COMMD10: variants seen among roughly 807,000 people sequenced by gnomAD.
COMMD10 encodes the protein COMM domain containing 10.
Under a neutral mutation model 28.9 loss-of-function variants are expected in COMMD10, and 33 were observed. The ratio of observed to expected loss-of-function variants is 1.14; its 90% CI spans 0.87 to 1.53. The LOEUF is 1.53. COMMD10 is among the 40% of genes most tolerant of loss of function. The pLI is 0.00. For missense variants in COMMD10, 310 were observed against 233.4 expected (o/e 1.33, Z -2.14); for synonymous variants, 110 against 81.7 (o/e 1.35, Z -1.87).
chr5:116,274,600 A>G (rs543768669), intron 5 of COMMD10, among the ~76,000 whole-genome samples: 2 of 151,938 alleles, frequency 1.3e-5, no homozygotes, highest in South Asian at 4.1e-4. Context: ...CACTGCACCA[A>G]AATACTTTTG....
At chr5:116,211,836 A>G (rs1416627088) in intron 5 of COMMD10, among the ~76,000 whole-genome samples, 2 of 152,120 alleles carry the variant, frequency 1.3e-5, no homozygotes, top group Non-Finnish European at 2.9e-5. Context: ...TTAAGATTAT[A>G]TTTTACAATG....
chr5:116,093,990 G>C (rs1339558009), intron 4 of COMMD10, among the ~76,000 whole-genome samples: 1 of 152,022 alleles, frequency 6.6e-6, no homozygotes, highest in Non-Finnish European at 1.5e-5. Context: ...GAATGTAATG[G>C]CCCTTCTCTC....
At chr5:116,287,830 A>T (rs542573942) in intron 5 of COMMD10, among the ~76,000 whole-genome samples, 23 of 151,936 alleles carry the variant, frequency 1.5e-4, no homozygotes, top group Non-Finnish European at 2.1e-4. Flanking sequence ...CTAATCACAT[A>T]TGAAAACTTT....
chr5:116,098,965 G>A (rs1298957974), intron 4 of COMMD10, among the ~76,000 whole-genome samples: 2 of 152,124 alleles, frequency 1.3e-5, no homozygotes, highest in African/African-American at 4.8e-5. Context: ...TTTTATGTGT[G>A]GGTGAGTGTG....
chr5:116,151,930 T>C (rs1310357374), intron 5 of COMMD10, among the ~76,000 whole-genome samples: 3 of 152,190 alleles, frequency 2.0e-5, no homozygotes, highest in Non-Finnish European at 4.4e-5. Flanking sequence ...GCTTTTCTAG[T>C]TGTTTTAATT....
At chr5:116,248,357 G>T (rs1010161805) in intron 5 of COMMD10, among the ~76,000 whole-genome samples, 2 of 131,870 alleles carry the variant, frequency 1.5e-5, no homozygotes, top group East Asian at 4.1e-4. Flanking sequence ...GGGATAATTA[G>T]AAAAAGTATA....
chr5:116,118,203 C>G (rs919707080), intron 4 of COMMD10, among the ~76,000 whole-genome samples: 2 of 152,174 alleles, frequency 1.3e-5, no homozygotes, highest in East Asian at 3.8e-4. Context: ...GAATCTTTCC[C>G]TGATAGTGCC....
chr5:116,277,840 G>A (rs1750960917), intron 5 of COMMD10, among the ~76,000 whole-genome samples: 1 of 151,856 alleles, frequency 6.6e-6, no homozygotes, highest in Non-Finnish European at 1.5e-5. Context: ...CTTACTCTGT[G>A]AATTACATTA....
intron 4 of COMMD10, among the ~76,000 whole-genome samples, chr5:116,133,619 A>G (rs17138917): frequency 0.11 from 16,400 of 152,232 alleles, 984 homozygotes; most frequent in African/African-American, 0.15. Context: ...TTACCTGTAT[A>G]GTACCTACGC....
At chr5:116,128,436 T>G (rs1013638125) in intron 4 of COMMD10, among the ~76,000 whole-genome samples, 9 of 152,042 alleles carry the variant, frequency 5.9e-5, no homozygotes, top group Non-Finnish European at 1.0e-4. Context: ...GATTTAAATT[T>G]GAATATGAAA....
At chr5:116,196,401 T>C (rs955271919) in intron 5 of COMMD10, among the ~76,000 whole-genome samples, 2 of 152,086 alleles carry the variant, frequency 1.3e-5, no homozygotes, top group Non-Finnish European at 2.9e-5. Flanking sequence ...CAGTGTATAC[T>C]GCTTGGGTGA....
intron 5 of COMMD10, among the ~76,000 whole-genome samples, chr5:116,235,684 T>C (rs560240124): frequency 6.6e-6 from 1 of 152,300 alleles, no homozygotes; most frequent in Admixed American, 6.5e-5. Context: ...CTCCATTGTG[T>C]CCTGGAATTT....
intron 5 of COMMD10, among the ~76,000 whole-genome samples, chr5:116,285,727 T>A (rs1751203115): frequency 6.6e-6 from 1 of 151,966 alleles, no homozygotes; most frequent in African/African-American, 2.4e-5. Context: ...ATATGTAGTA[T>A]ACCATGGTGT....
chr5:116,269,889 C>T (rs1750707512), intron 5 of COMMD10, among the ~76,000 whole-genome samples: 1 of 151,518 alleles, frequency 6.6e-6, no homozygotes, highest in Non-Finnish European at 1.5e-5. Flanking sequence ...TATTTTTTAC[C>T]CCATTTCTGC....
chr5:116,271,312 A>G (rs1030928154), intron 5 of COMMD10, among the ~76,000 whole-genome samples: 1 of 147,042 alleles, frequency 6.8e-6, no homozygotes, highest in Non-Finnish European at 1.5e-5. Context: ...TATAAAATAT[A>G]TATAAAATAT....
At chr5:116,167,940 C>A (rs1020809290) in intron 5 of COMMD10, among the ~76,000 whole-genome samples, 1 of 152,054 alleles carries the variant, frequency 6.6e-6, no homozygotes, top group Non-Finnish European at 1.5e-5. Context: ...GGCAAAATAA[C>A]CAGCTACTGT....
intron 4 of COMMD10, among the ~76,000 whole-genome samples, chr5:116,130,713 G>A (rs950603108): frequency 6.6e-6 from 1 of 151,986 alleles, no homozygotes; most frequent in Non-Finnish European, 1.5e-5. Flanking sequence ...TAGCCACATG[G>A]CTAAGGAGTT....
At chr5:116,171,326 C>T (rs1228770837) in intron 5 of COMMD10, among the ~76,000 whole-genome samples, 1 of 152,180 alleles carries the variant, frequency 6.6e-6, no homozygotes, top group Non-Finnish European at 1.5e-5. Flanking sequence ...AGTCAGGAAA[C>T]ACCAGATGCT....
chr5:116,222,680 G>A (rs1490353629), intron 5 of COMMD10, among the ~76,000 whole-genome samples: 2 of 152,020 alleles, frequency 1.3e-5, no homozygotes, highest in African/African-American at 4.8e-5. Flanking sequence ...ACAACATTTA[G>A]CCTATTTATT....
Sources: gnomAD v4.1 joint callset for allele counts (sites outside exome capture counted in the v4.1 genomes callset) on GRCh38, gnomAD v4.1.1 for gene constraint, MANE v1.5 for transcripts, NCBI Gene and HGNC (gene_info 2026-07-23, HGNC 2026-07-21) for gene names.